Variants in NR3C1 observed in about 807,000 individuals in gnomAD.
The protein encoded by NR3C1 is glucocorticoid receptor.
In NR3C1, 14 loss-of-function variants were observed where a neutral mutation model predicts 74.0. That is an observed-to-expected ratio of 0.19 (90% CI 0.12 to 0.30). The LOEUF is 0.30. Among genes scored for constraint, NR3C1 ranks in the 10% least tolerant of loss-of-function variants. The pLI, the probability that NR3C1 is intolerant of heterozygous loss-of-function variation, is 1.00. For synonymous variants in NR3C1, 308 were observed against 332.5 expected (o/e 0.93, Z 0.80); for missense variants, 695 against 909.8 (o/e 0.76, Z 3.04).
Position 143,403,506 on chromosome 5 carries a change from G to A in NR3C1, c.-309C>T, listed in dbSNP as rs1395505804. The A allele has an allele frequency of 2.0e-6, 2 of 985,274 alleles. No individual in the cohort carries two copies. Among genetic ancestry groups the A allele is most frequent in the African/African-American group, 1.7e-5 (1 of 57,216 alleles). The allele number at this position is 985,274 out of a possible 1,614,324, so 61.0% of individuals were successfully genotyped here. The stretch of plus-strand genomic sequence containing the variant: ...AGCTGCTTCGGCCGCTCCGGCTGCG[G>A]CGTCTCCTTCCACCCACAGAATCCG... On this transcript the variant is annotated 5_prime_UTR_variant, in exon 1 of 9. Transcript: ENST00000394464.
chr5:143,300,388 A>G lies in NR3C1; in HGVS notation c.1747+97T>C. On this transcript the variant is annotated intron_variant, in intron 5 of 8. Coordinates refer to ENST00000394464, the MANE Select transcript of NR3C1 (RefSeq NM_000176.3). This position sits in a 1 kb window ranked among gnomAD's most constrained non-coding sequence, Gnocchi z 5.2. ...AGTCCCCAGAACTAAGAGAAACAAG[A>G]TAAGCCATGGGCTCACGATGATATA... The G allele has an allele frequency of 6.9e-7, 1 of 1,459,686 alleles. No homozygotes were observed. The highest frequency in any genetic ancestry group is 1.7e-5 in the Admixed American group (1 of 59,732). The allele number at this position is 1,459,686 out of a possible 1,614,324, so 90.4% of individuals were successfully genotyped here.
chr5:143,359,033 G>A (rs1331386331), intron 2 of NR3C1, among the ~76,000 whole-genome samples: 5 of 152,142 alleles, frequency 3.3e-5, no homozygotes, highest in Non-Finnish European at 7.4e-5. Context: ...CAATCAGTAA[G>A]ATCAATGAAG....
chr5:143,308,684 T>G (rs1043584506), intron 4 of NR3C1, among the ~76,000 whole-genome samples: 1 of 152,222 alleles, frequency 6.6e-6, no homozygotes, highest in African/African-American at 2.4e-5. Flanking sequence ...ATGTTACTTC[T>G]TCCTTGACTT....
At chr5:143,288,104 T>C (rs564420208) in intron 7 of NR3C1, among the ~76,000 whole-genome samples, 3 of 152,048 alleles carry the variant, frequency 2.0e-5, no homozygotes, top group Non-Finnish European at 4.4e-5. Context: ...TCCTATTCTT[T>C]CTCAACAACT....
In NR3C1 at chr5:143,312,824, G is replaced by A. The variant is rs550133429; in HGVS notation, c.1351+1178C>T. Among the ~76,000 whole-genome samples the A allele has an allele frequency of 1.3e-4, 20 of 152,264 alleles. No homozygotes were observed. In the South Asian group the frequency reaches 2.7e-3, roughly 20 times the overall value. On this transcript the variant is annotated intron_variant, in intron 3 of 8. Transcript: ENST00000394464. Reference sequence around the variant, plus strand: ...AGGAGTAAAGTGAGGACACGAAGACGCTTCTGTCTTCTGCGTATGTGTTAA... The same window carrying A: ...AGGAGTAAAGTGAGGACACGAAGACACTTCTGTCTTCTGCGTATGTGTTAA...
intron 2 of NR3C1, among the ~76,000 whole-genome samples, chr5:143,384,517 G>A (rs375238873): frequency 6.6e-6 from 1 of 152,150 alleles, no homozygotes; most frequent in Admixed American, 6.5e-5. Flanking sequence ...TGGGATACAG[G>A]CATTGGGTAA....
chr5:143,403,005 C>G (rs1275557670), intron 1 of NR3C1, among the ~76,000 whole-genome samples: 1 of 151,354 alleles, frequency 6.6e-6, no homozygotes, highest in Non-Finnish European at 1.5e-5. Flanking sequence ...CAGGGGACGC[C>G]TGCGGAGGGA....
intron 2 of NR3C1, among the ~76,000 whole-genome samples, chr5:143,391,087 A>G (rs1202169751): frequency 6.6e-6 from 1 of 152,154 alleles, no homozygotes; most frequent in Non-Finnish European, 1.5e-5. Context: ...CTTTGTCCTT[A>G]ATAAACCCAG....
chr5:143,353,759 G>A (rs1248672074), intron 2 of NR3C1, among the ~76,000 whole-genome samples: 1 of 152,128 alleles, frequency 6.6e-6, no homozygotes, highest in East Asian at 1.9e-4. Context: ...AAGCAGAGTA[G>A]ATTAAGCATA....
At chr5:143,425,701 A>G (rs561013322) in intron 1 of NR3C1, among the ~76,000 whole-genome samples, 2 of 151,622 alleles carry the variant, frequency 1.3e-5, no homozygotes, top group South Asian at 4.2e-4. Context: ...GACAGCAATA[A>G]TTGTTTTTTA....
rs771387391 is a variant in NR3C1 at position 143,298,808 on chromosome 5, G to A, written c.1752C>T (p.Phe584=). The A allele has an allele frequency of 6.2e-7, 1 of 1,613,002 alleles. No homozygotes were observed. Among genetic ancestry groups the A allele is most frequent in the African/African-American group, 1.3e-5 (1 of 74,952 alleles). ...TTTGGTCATCCAGGTGTAAGTTCCT[G>A]AAACCTGAATTAAGAGAAATAAAGG... ...AVKWAKAIPG[F]RNLHLDDQMT... is the part of the protein sequence containing the mutation. The change falls in exon 6 of 9, where the codon TTC becomes TTT. Residue 584 remains phenylalanine, a synonymous_variant. Coordinates refer to ENST00000394464, the MANE Select transcript of NR3C1 (RefSeq NM_000176.3).
chr5:143,341,475 A>G (rs1021357365), intron 2 of NR3C1, among the ~76,000 whole-genome samples: 5 of 152,260 alleles, frequency 3.3e-5, no homozygotes, highest in Admixed American at 3.3e-4. Context: ...AAAAGAAAAG[A>G]CAAAAATAGA....
At chr5:143,415,148 A>G (rs1362125171) in intron 1 of NR3C1, among the ~76,000 whole-genome samples, 1 of 152,264 alleles carries the variant, frequency 6.6e-6, no homozygotes, top group Non-Finnish European at 1.5e-5. Flanking sequence ...GTAGAAATGT[A>G]TAAAGGTAAA....
At chr5:143,294,564 T>C (rs1440608449) in intron 7 of NR3C1, 1 of 157,254 alleles carries the variant, frequency 6.4e-6, no homozygotes, top group Non-Finnish European at 1.4e-5. Flanking sequence ...AAATGTATAA[T>C]GACATGTTTC....
chr5:143,284,178 CA>C (rs1813768555), intron 7 of NR3C1, among the ~76,000 whole-genome samples: 1 of 152,088 alleles, frequency 6.6e-6, no homozygotes, highest in African/African-American at 2.4e-5. Flanking sequence ...CTCCCAGGTT[CA>C]AGCAATTCCG....
chr5:143,423,311 G>T (rs954519923), intron 1 of NR3C1, among the ~76,000 whole-genome samples: 3 of 152,110 alleles, frequency 2.0e-5, no homozygotes, highest in Admixed American at 2.0e-4. Context: ...TTTAAAAATG[G>T]TCAAAAGATC....
chr5:143,292,442 C>T (rs1347564265), intron 7 of NR3C1, among the ~76,000 whole-genome samples: 1 of 152,108 alleles, frequency 6.6e-6, no homozygotes, highest in Non-Finnish European at 1.5e-5. Flanking sequence ...CTCTATTTGC[C>T]TTTCCCCCAG....
At chr5:143,362,449 C>T (rs1473358525) in intron 2 of NR3C1, among the ~76,000 whole-genome samples, 2 of 150,494 alleles carry the variant, frequency 1.3e-5, no homozygotes, top group African/African-American at 4.9e-5. Flanking sequence ...CAAGCTCCAC[C>T]TCCTGGGTTC....
chr5:143,404,469 C>G, upstream of NR3C1: 2 of 985,208 alleles, frequency 2.0e-6, no homozygotes, highest in Non-Finnish European at 2.4e-6. Context: ...CGCTCTCGCA[C>G]TGGGAGAGAA....
Sources: gnomAD v4.1 joint callset for allele counts (sites outside exome capture counted in the v4.1 genomes callset) on GRCh38, gnomAD v4.1.1 for gene constraint, Gnocchi (gnomAD v3.1) non-coding constraint, MANE v1.5 for transcripts, NCBI Gene and HGNC (gene_info 2026-07-23, HGNC 2026-07-21) for gene names.